The following LRBA variants were observed in gnomAD, a reference collection of about 807,000 sequenced individuals.
The protein encoded by LRBA is LPS responsive beige-like anchor protein.
Under a neutral mutation model 330.0 loss-of-function variants are expected in LRBA, and 176 were observed. The observed-to-expected ratio is 0.53, with a 90% confidence interval of 0.47 to 0.60. The LOEUF (loss-of-function observed/expected upper bound fraction) is 0.60. LRBA is among the 20% of genes least tolerant of loss of function. The probability of loss-of-function intolerance (pLI) is 0.00; values close to 1 mark genes in which losing one functional copy is unlikely to be tolerated. For synonymous variants in LRBA, 1,230 were observed against 1,193.0 expected (o/e 1.03, Z -0.64); for missense variants, 3,259 against 3,444.8 (o/e 0.95, Z 1.35).
chr4:150,795,675 A>T (rs1015124783), intron 34 of LRBA, among the ~76,000 whole-genome samples: 3 of 151,998 alleles, frequency 2.0e-5, no homozygotes, highest in Admixed American at 1.3e-4. Context: ...TGCCTAATCA[A>T]CTATTATATA....
At chr4:150,420,444 TATATAATATATAAAGTATATATAATAC>T (rs1561151219) in intron 46 of LRBA, among the ~76,000 whole-genome samples, 5 of 80,968 alleles carry the variant, frequency 6.2e-5, no homozygotes, top group African/African-American at 2.3e-4. Flanking sequence ...ATATAATACA[TATATAATATATAAAGTATATATAATAC>T]ACATTATAAT....
chr4:150,366,971 A>T lies in LRBA; in HGVS notation c.7195-16812T>A, dbSNP rs1739547784. Among the ~76,000 whole-genome samples, 10 of 152,340 alleles carry T rather than the reference A, an allele frequency of 6.6e-5. No individual in the cohort carries two copies. In the South Asian group the frequency reaches 2.1e-3, roughly 32 times the overall value. On this transcript the variant is annotated intron_variant, in intron 47 of 56. Coordinates refer to ENST00000651943, the MANE Select transcript of LRBA (RefSeq NM_001364905.1). ...TTCCCATTCATTTTGAAAGGGGAAG[A>T]AAATAAAAGCTTCAAAGTAGAACTA...
chr4:150,616,488 T>C (rs1474465094), intron 37 of LRBA, among the ~76,000 whole-genome samples: 1 of 152,084 alleles, frequency 6.6e-6, no homozygotes, highest in Non-Finnish European at 1.5e-5. Flanking sequence ...AAGGAGAAGG[T>C]AGTAATCAAC....
At chr4:150,445,979 A>G (rs1752572373) in intron 44 of LRBA, among the ~76,000 whole-genome samples, 1 of 152,160 alleles carries the variant, frequency 6.6e-6, no homozygotes, top group Non-Finnish European at 1.5e-5. Context: ...AAAATTAGAC[A>G]TAAAGTAGCA....
intron 37 of LRBA, among the ~76,000 whole-genome samples, chr4:150,638,340 A>C (rs553421286): frequency 6.6e-6 from 1 of 152,068 alleles, no homozygotes; most frequent in African/African-American, 2.4e-5. Flanking sequence ...TTCTTTAATT[A>C]TTATCAATTT....
chr4:150,404,413 C>T (rs1581217634), intron 47 of LRBA, among the ~76,000 whole-genome samples: 1 of 152,124 alleles, frequency 6.6e-6, no homozygotes, highest in South Asian at 2.1e-4. Flanking sequence ...TTTTTGAGAG[C>T]ATAGTGATAA....
chr4:150,636,788 C>T (rs192818599), intron 37 of LRBA, among the ~76,000 whole-genome samples: 17 of 152,308 alleles, frequency 1.1e-4, no homozygotes, highest in African/African-American at 3.8e-4. Context: ...ATTGGCACCA[C>T]AGACATGCAC....
chr4:150,749,772 A>T (rs1206531185), intron 35 of LRBA, among the ~76,000 whole-genome samples: 1 of 151,972 alleles, frequency 6.6e-6, no homozygotes, highest in Non-Finnish European at 1.5e-5. Flanking sequence ...CAAACAAATA[A>T]GCAGAAAAAA....
At chr4:150,783,113 A>G (rs1738514326) in intron 34 of LRBA, among the ~76,000 whole-genome samples, 1 of 152,178 alleles carries the variant, frequency 6.6e-6, no homozygotes, top group Non-Finnish European at 1.5e-5. Context: ...CACACCGAGC[A>G]ATCTAACTGC....
intron 34 of LRBA, among the ~76,000 whole-genome samples, chr4:150,791,055 T>C (rs914709114): frequency 6.6e-5 from 10 of 152,214 alleles, no homozygotes; most frequent in Non-Finnish European, 1.2e-4. Flanking sequence ...CTTTTTGAAA[T>C]TGAAATTAAA....
At chr4:150,869,204 C>G (rs555994845) in intron 20 of LRBA, among the ~76,000 whole-genome samples, 1 of 151,748 alleles carries the variant, frequency 6.6e-6, no homozygotes, top group Non-Finnish European at 1.5e-5. Flanking sequence ...CAGGCATGAG[C>G]CACCACGGCC....
At chr4:150,466,600 A>G (rs1408916194) in intron 44 of LRBA, among the ~76,000 whole-genome samples, 2 of 152,140 alleles carry the variant, frequency 1.3e-5, no homozygotes, top group African/African-American at 4.8e-5. Flanking sequence ...TAAAGGACCA[A>G]CACTGGGTCA....
intron 40 of LRBA, among the ~76,000 whole-genome samples, chr4:150,551,540 G>A (rs1244584816): frequency 1.3e-5 from 2 of 150,294 alleles, no homozygotes; most frequent in Non-Finnish European, 2.9e-5. Flanking sequence ...TTAGCCAGGA[G>A]TGGTGGAACA....
intron 40 of LRBA, chr4:150,579,814 A>G (rs936994531): frequency 4.5e-6 from 2 of 439,718 alleles, no homozygotes; most frequent in Non-Finnish European, 4.6e-6. Flanking sequence ...CTGTTTGCAA[A>G]CACTCACTCT....
intron 36 of LRBA, among the ~76,000 whole-genome samples, chr4:150,734,932 T>C (rs545675500): frequency 3.5e-4 from 54 of 152,272 alleles, no homozygotes; most frequent in Non-Finnish European, 7.1e-4. Flanking sequence ...CTCTGTTTTG[T>C]CCAGAAAGGG....
At chr4:150,558,945 C>T (rs1024338451) in intron 40 of LRBA, among the ~76,000 whole-genome samples, 2 of 152,092 alleles carry the variant, frequency 1.3e-5, no homozygotes, top group Non-Finnish European at 2.9e-5. Flanking sequence ...AAAAATAATA[C>T]ATAGACTAGC....
intron 28 of LRBA, among the ~76,000 whole-genome samples, chr4:150,834,446 T>C (rs1340249737): frequency 6.6e-6 from 1 of 152,182 alleles, no homozygotes; most frequent in Admixed American, 6.6e-5. Flanking sequence ...AACATGAATC[T>C]CCTTGTATAT....
At chr4:150,957,352 TC>T (rs1391945187) in intron 2 of LRBA, among the ~76,000 whole-genome samples, 1 of 148,040 alleles carries the variant, frequency 6.8e-6, no homozygotes, top group Non-Finnish European at 1.5e-5. Context: ...GCAGGGGAAC[TC>T]CCCTTTATAA....
intron 44 of LRBA, among the ~76,000 whole-genome samples, chr4:150,447,936 T>C (rs890573483): frequency 6.6e-6 from 1 of 152,156 alleles, no homozygotes; most frequent in Non-Finnish European, 1.5e-5. Flanking sequence ...TTTTAAAAAG[T>C]GATTTAACAA....
Sources: gnomAD v4.1 joint callset for allele counts (sites outside exome capture counted in the v4.1 genomes callset) on GRCh38, gnomAD v4.1.1 for gene constraint, MANE v1.5 for transcripts, NCBI Gene and HGNC (gene_info 2026-07-23, HGNC 2026-07-21) for gene names.